The following FAS variants were observed in gnomAD, a reference collection of about 807,000 sequenced individuals.
The protein encoded by FAS is Fas cell surface death receptor.
A neutral mutation model predicts 33.2 loss-of-function variants in FAS; 5 were observed. That is an observed-to-expected ratio of 0.15 (90% CI 0.08 to 0.32). FAS has a LOEUF of 0.32. FAS is among the 10% of genes least tolerant of loss of function. The probability of loss-of-function intolerance (pLI) is 1.00; values close to 1 mark genes in which losing one functional copy is unlikely to be tolerated. For missense variants in FAS, 339 were observed against 386.0 expected (o/e 0.88, Z 1.02); for synonymous variants, 131 against 130.7 (o/e 1.00, Z -0.01).
chr10:89,001,533 C>A (rs1042785549), intron 1 of FAS, among the ~76,000 whole-genome samples: 7 of 151,332 alleles, frequency 4.6e-5, no homozygotes, highest in African/African-American at 1.7e-4. Context: ...CATGCTAGAT[C>A]CGAGGGCTGA....
intron 6 of FAS, 145 bp from the exon 7 acceptor site, chr10:89,011,854 C>T (rs993695063): frequency 1.6e-5 from 11 of 700,020 alleles, no homozygotes; most frequent in African/African-American, 1.3e-4. Flanking sequence ...CCAAAATCAG[C>T]GGTCTCCTGC....
At chr10:88,991,023 T>C in intron 1 of FAS, 117 bp downstream of exon 1, 3 of 1,430,336 alleles carry the variant, frequency 2.1e-6, no homozygotes, top group Non-Finnish European at 2.9e-6. Flanking sequence ...CGCGGGCACC[T>C]GGGAGCGGCG....
chr10:88,965,066 C>T (rs1422974880), intron 1 of FAS, among the ~76,000 whole-genome samples: 3 of 152,242 alleles, frequency 2.0e-5, no homozygotes, highest in African/African-American at 7.2e-5. Context: ...ATGTTTCTGC[C>T]TTATTTTAAA....
chr10:89,010,087 C>T lies in FAS; in HGVS notation c.444-452C>T, dbSNP rs1193105592. Among the ~76,000 whole-genome samples the T allele has an allele frequency of 3.3e-5, 5 of 152,176 alleles. 1 individual carries two copies. Among genetic ancestry groups the T allele is most frequent in the African/African-American group, 1.2e-4 (5 of 41,442 alleles). On this transcript the variant is annotated intron_variant, in intron 4 of 8. Transcript: ENST00000652046. ...CACCGGTTGCTAAAAGTGGCAGCCTCTAAGGGCCAGCTGAGTACCCTCCCT... is the reference window on the plus strand; with the variant it reads ...CACCGGTTGCTAAAAGTGGCAGCCTTTAAGGGCCAGCTGAGTACCCTCCCT...
At chr10:88,993,798 G>C (rs1847416793) in intron 1 of FAS, among the ~76,000 whole-genome samples, 1 of 151,970 alleles carries the variant, frequency 6.6e-6, no homozygotes, top group Non-Finnish European at 1.5e-5. Context: ...AACATATTGG[G>C]CTGTTTATTT....
chr10:88,992,181 A>T (rs918779216), intron 1 of FAS, among the ~76,000 whole-genome samples: 3 of 152,208 alleles, frequency 2.0e-5, no homozygotes, highest in Admixed American at 2.0e-4. Flanking sequence ...GATTACACCA[A>T]GAGGCTGAGA....
chr10:88,970,449 G>T (rs1482504010), intron 1 of FAS, among the ~76,000 whole-genome samples: 2 of 152,156 alleles, frequency 1.3e-5, no homozygotes, highest in Non-Finnish European at 2.9e-5. Context: ...GCTTGTTGAG[G>T]AGGGCGTTCA....
intron 2 of FAS, among the ~76,000 whole-genome samples, chr10:89,004,013 G>A (rs372678706): frequency 5.3e-5 from 8 of 152,186 alleles, no homozygotes; most frequent in African/African-American, 9.6e-5. Flanking sequence ...TTTAATAACC[G>A]TTATGGAAAA....
At chr10:88,987,308 T>C (rs904823632), upstream of FAS, among the ~76,000 whole-genome samples, 2 of 152,266 alleles carry the variant, frequency 1.3e-5, no homozygotes, top group Non-Finnish European at 2.9e-5. Flanking sequence ...ATCAAAGTTC[T>C]GATAATTTAT....
At chr10:88,978,843 G>A (rs1589423401) in intron 2 of FAS, among the ~76,000 whole-genome samples, 1 of 152,022 alleles carries the variant, frequency 6.6e-6, no homozygotes, top group African/African-American at 2.4e-5. Flanking sequence ...GAAGCTATTA[G>A]AAGCAACCTT....
Position 88,979,931 on chromosome 10 carries a change from T to C in FAS, n.260+6584T>C, listed in dbSNP as rs138073830. 1.6e-4 allele frequency among the ~76,000 whole-genome samples: 24 copies of C among 152,280 alleles called. No individual in the cohort carries two copies. In the East Asian group the frequency reaches 3.7e-3, roughly 23 times the overall value. On this transcript the variant is annotated intron_variant and non_coding_transcript_variant, in intron 2 of 3. Coordinates refer to the FAS transcript ENST00000688239. ...TGGCAAAATGGAATAATAGAAGATA[T>C]AGTTCTTACGTTCAAAGAGCTTCCA...
upstream of FAS, chr10:88,990,760 C>A: frequency 1.5e-6 from 2 of 1,333,496 alleles, no homozygotes; most frequent in Non-Finnish European, 2.1e-6. This position sits in a 1 kb window ranked among gnomAD's most constrained non-coding sequence, Gnocchi z 4.9. Context: ...GCACGGAACA[C>A]ACCCTGAGGC....
At chr10:88,975,492 C>T (rs144676112) in intron 2 of FAS, among the ~76,000 whole-genome samples, 131 of 152,136 alleles carry the variant, frequency 8.6e-4, no homozygotes, top group African/African-American at 2.7e-3. Context: ...TTCTCCAATA[C>T]GTAAAGAATC....
At position 89,015,452 on chromosome 10, in the gene FAS, G is replaced by A. The variant is rs1279680093; in HGVS notation, c.*1002G>A. On this transcript the variant is annotated 3_prime_UTR_variant, in exon 9 of 9. Transcript: ENST00000652046. ...CCGAAAATGTTCAATAATGTCCCAT[G>A]TAAAACCTGCTACAAATGGCAGCTT... 3.7e-6 allele frequency: 2 copies of A among 533,426 alleles called. No homozygotes were observed. Among genetic ancestry groups the A allele is most frequent in the African/African-American group, 3.7e-5 (2 of 53,540 alleles). 33.0% of individuals were successfully genotyped at this position (533,426 alleles called of 1,614,324 possible).
At position 89,015,767 on chromosome 10, in the gene FAS, T is replaced by C. The variant is rs926886649; in HGVS notation, c.*1317T>C. 5 of 483,998 alleles carry C rather than the reference T, an allele frequency of 1.0e-5. No individual in the cohort carries two copies. Among genetic ancestry groups the C allele is most frequent in the Admixed American group, 2.6e-5 (1 of 38,786 alleles). 30.0% of individuals were successfully genotyped at this position (483,998 alleles called of 1,614,324 possible). A position where few individuals can be genotyped will look rare whatever the true frequency, so the allele number is the denominator to read the frequency against. ...ATAAAATATAGGTAAAAGTACGTAATTAAATAATGTTTTTGGTATTTCTGG... is the reference window on the plus strand; with the variant it reads ...ATAAAATATAGGTAAAAGTACGTAACTAAATAATGTTTTTGGTATTTCTGG... On this transcript the variant is annotated 3_prime_UTR_variant, in exon 9 of 9. Transcript: ENST00000652046.
upstream of FAS, chr10:88,989,539 G>A (rs755695651): frequency 1.1e-5 from 6 of 543,408 alleles, no homozygotes; most frequent in Non-Finnish European, 2.2e-5. Flanking sequence ...CTACTGAAAG[G>A]TGGAACAGAG....
chr10:89,012,017 A>G lies in FAS; in HGVS notation c.587A>G (p.Gln196Arg). The G allele has an allele frequency of 6.2e-7, 1 of 1,614,040 alleles. No individual in the cohort carries two copies. Among genetic ancestry groups the G allele is most frequent in the East Asian group, 2.2e-5 (1 of 44,872 alleles). The change falls in exon 7 of 9, where the codon CAG becomes CGG. Residue 196 changes from glutamine to arginine, a missense_variant. Coordinates refer to ENST00000652046, the MANE Select transcript of FAS (RefSeq NM_000043.6). ...CTTTCAGTGAAGAGAAAGGAAGTAC[A>G]GAAAACATGCAGAAAGCACAGAAAG... is the stretch of plus-strand genomic sequence containing the variant. ...LIVWVKRKEV[Q>R]KTCRKHRKEN... is the part of the protein sequence containing the mutation.
At chr10:89,013,461 T>C (rs1197183300) in intron 8 of FAS, 94 bp downstream of exon 8, 3 of 1,176,618 alleles carry the variant, frequency 2.5e-6, no homozygotes, top group East Asian at 2.3e-5. Context: ...TTCAGTGACA[T>C]ATTATGGGAT....
At chr10:89,002,173 T>A (rs1847965241) in intron 1 of FAS, among the ~76,000 whole-genome samples, 1 of 152,250 alleles carries the variant, frequency 6.6e-6, no homozygotes, top group Non-Finnish European at 1.5e-5. Context: ...CAAATGGAGT[T>A]GTTTGCATAC....
Sources: allele counts gnomAD v4.1 joint callset (sites outside exome capture counted in the v4.1 genomes callset), GRCh38; gene constraint gnomAD v4.1.1; non-coding constraint Gnocchi (gnomAD v3.1); transcripts MANE v1.5; gene names NCBI Gene and HGNC (gene_info 2026-07-23, HGNC 2026-07-21).